Variants in CACNA2D3 observed in about 807,000 individuals in gnomAD.
The protein encoded by CACNA2D3 is calcium voltage-gated channel auxiliary subunit alpha2delta 3, also known as voltage-dependent calcium channel subunit alpha-2/delta-3.
In CACNA2D3, 60 loss-of-function variants were observed where a neutral mutation model predicts 160.6. The ratio of observed to expected loss-of-function variants is 0.37; its 90% CI spans 0.30 to 0.46. CACNA2D3 has a LOEUF of 0.46. Among genes scored for constraint, CACNA2D3 ranks in the 20% least tolerant of loss-of-function variants. The pLI, the probability that CACNA2D3 is intolerant of heterozygous loss-of-function variation, is 1.00. For synonymous variants in CACNA2D3, 558 were observed against 492.9 expected (o/e 1.13, Z -1.75); for missense variants, 1,205 against 1,365.0 (o/e 0.88, Z 1.85).
intron 31 of CACNA2D3, among the ~76,000 whole-genome samples, chr3:54,991,304 C>A (rs9853215): frequency 0.035 from 5,296 of 151,220 alleles, 329 homozygotes; most frequent in African/African-American, 0.12. Flanking sequence ...CTCACTGCAA[C>A]CACCGCCTTC....
chr3:54,412,148 T>C (rs919319598), intron 4 of CACNA2D3, among the ~76,000 whole-genome samples: 2 of 152,202 alleles, frequency 1.3e-5, no homozygotes, highest in Non-Finnish European at 2.9e-5. Flanking sequence ...ATGTCTGATA[T>C]TCGTCCACAG....
At chr3:54,778,803 GCAT>G (rs1702474334) in intron 13 of CACNA2D3, among the ~76,000 whole-genome samples, 1 of 152,102 alleles carries the variant, frequency 6.6e-6, no homozygotes, top group African/African-American at 2.4e-5. Context: ...GATAAGAATG[GCAT>G]CTTCTCCAAC....
At chr3:54,726,081 A>G (rs191084065) in intron 11 of CACNA2D3, among the ~76,000 whole-genome samples, 26 of 152,328 alleles carry the variant, frequency 1.7e-4, no homozygotes, top group African/African-American at 5.1e-4. Context: ...TACAAAATCA[A>G]TGTGCAGAAA....
intron 3 of CACNA2D3, among the ~76,000 whole-genome samples, chr3:54,345,283 G>A (rs773747020): frequency 7.2e-5 from 11 of 152,180 alleles, no homozygotes; most frequent in Non-Finnish European, 4.4e-5. Context: ...CCCCTTTCCT[G>A]TAACACAACC....
At chr3:54,834,037 T>C (rs955205122) in intron 14 of CACNA2D3, among the ~76,000 whole-genome samples, 5 of 152,218 alleles carry the variant, frequency 3.3e-5, no homozygotes, top group Admixed American at 6.5e-5. Context: ...TGCAATATTA[T>C]GGGTTTCTTT....
At chr3:54,530,431 C>T (rs1277479596) in intron 5 of CACNA2D3, among the ~76,000 whole-genome samples, 1 of 152,124 alleles carries the variant, frequency 6.6e-6, no homozygotes, top group African/African-American at 2.4e-5. Context: ...GTGTTTTTCC[C>T]ACTCCGAAGG....
chr3:54,483,285 T>TA (rs1700962793), intron 4 of CACNA2D3, among the ~76,000 whole-genome samples: 1 of 152,260 alleles, frequency 6.6e-6, no homozygotes, highest in Admixed American at 6.5e-5. Flanking sequence ...GCACAGAGCC[T>TA]AAAAAAATTT....
intron 11 of CACNA2D3, among the ~76,000 whole-genome samples, chr3:54,721,190 T>C (rs1293007243): frequency 6.6e-6 from 1 of 152,172 alleles, no homozygotes; most frequent in Non-Finnish European, 1.5e-5. Flanking sequence ...TAGAACAGTT[T>C]ACCTCTATTT....
At chr3:55,021,099 TA>T (rs1010083480) in intron 35 of CACNA2D3, among the ~76,000 whole-genome samples, 2 of 152,174 alleles carry the variant, frequency 1.3e-5, no homozygotes, top group African/African-American at 4.8e-5. Context: ...TTGTAAAACT[TA>T]TAAAACTATT....
At chr3:54,602,497 C>CAAAAAAAAAAAAAAAA (rs1156290031) in intron 9 of CACNA2D3, among the ~76,000 whole-genome samples, 1 of 71,210 alleles carries the variant, frequency 1.4e-5, no homozygotes, top group Non-Finnish European at 2.5e-5. Context: ...GATTCCATCT[C>CAAAAAAAAAAAAAAAA]AAAAAAAAAA....
rs535397460 is a variant in CACNA2D3, at chr3:55,007,862, T to A, written c.2819+20T>A. On this transcript the variant is annotated intron_variant, in intron 33 of 37. Transcript: ENST00000474759. ...TGTCTTGTAAGTAAAATCTGCTGCA[T>A]TTTTTTGAAAAGTATTAATATTTTC... The A allele has an allele frequency of 7.5e-5, 112 of 1,495,538 alleles. 1 individual carries two copies. The South Asian group carries it at 1.4e-3, about 19-fold the overall frequency. The allele number at this position is 1,495,538 out of a possible 1,614,324, so 92.6% of individuals were successfully genotyped here.
At chr3:54,133,224 A>G (rs561778745) in intron 2 of CACNA2D3, among the ~76,000 whole-genome samples, 73 of 152,274 alleles carry the variant, frequency 4.8e-4, no homozygotes, top group African/African-American at 1.7e-3. Context: ...TATTTATGAT[A>G]TATCATTTAA....
chr3:55,061,392 A>G (rs1288374000), intron 35 of CACNA2D3, among the ~76,000 whole-genome samples: 1 of 152,202 alleles, frequency 6.6e-6, no homozygotes, highest in Admixed American at 6.5e-5. Context: ...TATGGCTTCT[A>G]GGGCTCAGCT....
chr3:54,362,756 C>T (rs1445293870), intron 3 of CACNA2D3, among the ~76,000 whole-genome samples: 1 of 152,168 alleles, frequency 6.6e-6, no homozygotes, highest in Non-Finnish European at 1.5e-5. Context: ...AGCTGAACAG[C>T]GGTGTGTGTC....
rs1199560210 is a variant in CACNA2D3, at chr3:54,742,137, G to T, written c.1168-10462G>T. Reference sequence around the variant, plus strand: ...CTGCCTCGACTTCAAATAGTGCTGGGGCTGGGTGCGGTGGCTCATGCCTAT... The same window carrying T: ...CTGCCTCGACTTCAAATAGTGCTGGTGCTGGGTGCGGTGGCTCATGCCTAT... On this transcript the variant is annotated intron_variant, in intron 11 of 37. Transcript: ENST00000474759. Among the ~76,000 whole-genome samples the T allele has an allele frequency of 6.6e-5, 10 of 152,322 alleles. No homozygotes were observed. The East Asian group carries it at 1.9e-3, about 30-fold the overall frequency.
chr3:54,897,564 G>A (rs577516230), intron 26 of CACNA2D3, among the ~76,000 whole-genome samples: 1 of 151,934 alleles, frequency 6.6e-6, no homozygotes, highest in Admixed American at 6.6e-5. Flanking sequence ...ACTGCTTATT[G>A]CAGAAACTTG....
chr3:54,852,897 A>G (rs992839008), intron 17 of CACNA2D3, among the ~76,000 whole-genome samples: 2 of 152,212 alleles, frequency 1.3e-5, no homozygotes, highest in Admixed American at 6.5e-5. Context: ...AGTTCAAGCA[A>G]TAGGCCATAG....
At chr3:54,428,078 G>A (rs57687910) in intron 4 of CACNA2D3, among the ~76,000 whole-genome samples, 4,574 of 152,236 alleles carry the variant, frequency 0.03, 233 homozygotes, top group African/African-American at 0.1. Flanking sequence ...AGCATAATGT[G>A]CTTGACAGGG....
At chr3:54,642,876 C>A (rs1467993949) in intron 11 of CACNA2D3, among the ~76,000 whole-genome samples, 2 of 152,076 alleles carry the variant, frequency 1.3e-5, no homozygotes, top group Non-Finnish European at 2.9e-5. Context: ...GCCTGAGTTC[C>A]CTGGGGAGAT....
Sources: allele counts gnomAD v4.1 joint callset (sites outside exome capture counted in the v4.1 genomes callset), GRCh38; gene constraint gnomAD v4.1.1; transcripts MANE v1.5; gene names NCBI Gene and HGNC (gene_info 2026-07-23, HGNC 2026-07-21).